Variants in FAM91A1 observed in about 807,000 individuals in gnomAD.
FAM91A1 encodes family with sequence similarity 91 member A1, also known as protein FAM91A1.
Under a neutral mutation model 113.5 loss-of-function variants are expected in FAM91A1, and 41 were observed. That is an observed-to-expected ratio of 0.36 (90% CI 0.28 to 0.47). FAM91A1 has a LOEUF of 0.47. Among genes scored for constraint, FAM91A1 ranks in the 20% least tolerant of loss-of-function variants. The probability of loss-of-function intolerance (pLI) is 1.00; values close to 1 mark genes in which losing one functional copy is unlikely to be tolerated. For synonymous variants in FAM91A1, 307 were observed against 347.9 expected, an observed-to-expected ratio of 0.88 and a Z score of 1.31; for missense variants, 696 against 1,001.2, an observed-to-expected ratio of 0.70 and a Z score of 4.11.
At chr8:123,808,508 C>T (rs147946974) in intron 21 of FAM91A1, 132 bp downstream of exon 21, 1 of 563,146 alleles carries the variant, frequency 1.8e-6, no homozygotes, top group East Asian at 3.1e-5. Flanking sequence ...TTCTAGGAAG[C>T]CTTTTTACAT....
chr8:123,798,386 AT>A, intron 16 of FAM91A1, 148 bp downstream of exon 16: 6 of 871,090 alleles, frequency 6.9e-6, no homozygotes, highest in Non-Finnish European at 1.0e-5. Context: ...GATATGTTCA[AT>A]TTGTGGAGTG....
intron 12 of FAM91A1, among the ~76,000 whole-genome samples, chr8:123,786,871 TATA>T (rs768869531): frequency 9.2e-5 from 14 of 152,158 alleles, no homozygotes; most frequent in Non-Finnish European, 1.3e-4. Context: ...GGGCACCAAT[TATA>T]ATGCTTGTAG....
chr8:123,777,190 A>G, intron 3 of FAM91A1, 75 bp from the exon 4 acceptor site: 1 of 1,017,622 alleles, frequency 9.8e-7, no homozygotes, highest in Non-Finnish European at 1.5e-6. Flanking sequence ...ATTGGCTGTA[A>G]TAATATTGTA....
intron 9 of FAM91A1, 171 bp from the exon 10 acceptor site, chr8:123,784,909 TA>T: frequency 2.0e-6 from 1 of 509,980 alleles, no homozygotes; most frequent in Non-Finnish European, 3.4e-6. Context: ...ATTTGTACTA[TA>T]AGGATCTTAG....
At position 123,812,953 on chromosome 8, in the gene FAM91A1, A is replaced by G. The variant is rs552931341; in HGVS notation, c.*249A>G. ...TGAGACAATCTGCATTTCTTTTATA[A>G]AACTAAGTATATACTTTATAGGCTT... On this transcript the variant is annotated 3_prime_UTR_variant, in exon 24 of 24. Coordinates refer to ENST00000334705, the MANE Select transcript of FAM91A1 (RefSeq NM_144963.4). The G allele has an allele frequency of 9.0e-6, 3 of 333,710 alleles. No homozygotes were observed. The highest frequency in any genetic ancestry group is 1.6e-5 in the Non-Finnish European group (3 of 184,858). The allele number at this position is 333,710 out of a possible 1,614,324, so 20.7% of individuals were successfully genotyped here. A position where few individuals can be genotyped will look rare whatever the true frequency, so the allele number is the denominator to read the frequency against.
rs1386169284 is a variant in FAM91A1 at position 123,811,355 on chromosome 8, G to T, written c.2331+1004G>T. On this transcript the variant is annotated intron_variant, in intron 23 of 23. Coordinates refer to ENST00000334705, the MANE Select transcript of FAM91A1 (RefSeq NM_144963.4). ...ATTAAAGACTTTTAAACAGGGGAGA[G>T]AGGTTATTTCTGAAGGACTATTTTA... 1.3e-5 allele frequency: 2 copies of T among 152,188 alleles called. 1 individual carries two copies. The highest frequency in any genetic ancestry group is 2.9e-5 in the Non-Finnish European group (2 of 68,042). 9.4% of individuals were successfully genotyped at this position (152,188 alleles called of 1,614,324 possible).
In FAM91A1 at chr8:123,778,011, A is replaced by G. The variant is rs1563636943; in HGVS notation, c.368-14A>G. 6.2e-7 allele frequency: 1 copy of G among 1,606,880 alleles called. No individual in the cohort carries two copies. The highest frequency in any genetic ancestry group is 2.2e-5 in the East Asian group (1 of 44,662). On this transcript the variant is annotated splice_polypyrimidine_tract_variant and intron_variant, in intron 4 of 23. Transcript: ENST00000334705. ...TATGTTAAATGTTTTTAAAGGAAAG[A>G]CTCTTTTTTTCAGGTCTAAGGCTTC...
chr8:123,787,509 T>C, intron 13 of FAM91A1, 136 bp downstream of exon 13: 2 of 983,084 alleles, frequency 2.0e-6, no homozygotes, highest in Non-Finnish European at 3.0e-6. Flanking sequence ...GTATAATAAC[T>C]TTCAGGGAAG....
At chr8:123,787,214 AAAG>A in intron 12 of FAM91A1, 44 bp from the exon 13 acceptor site, 1 of 1,397,872 alleles carries the variant, frequency 7.2e-7, no homozygotes, top group Non-Finnish European at 1.0e-6. Context: ...AATGGTAAGC[AAAG>A]AATAATTTCC....
rs1182326046 is a variant in FAM91A1, at chr8:123,778,768, T to A, written c.545T>A (p.Ile182Asn). Residue 182 changes from isoleucine (I) to asparagine (N), a missense_variant, in exon 6 of 24, where the codon ATC (isoleucine) becomes AAC (asparagine). Coordinates refer to ENST00000334705, the MANE Select transcript of FAM91A1 (RefSeq NM_144963.4). ...VQAGYITEDD[I>N]KICTLPEKCA... ...GCTGGCTATATCACAGAAGATGACA[T>A]CAAGGTAGAAATCTTTAAAAGTTAA... is the stretch of plus-strand genomic sequence containing the variant. 6.6e-7 allele frequency: 1 copy of A among 1,515,216 alleles called. No individual in the cohort carries two copies. The highest frequency in any genetic ancestry group is 8.8e-7 in the Non-Finnish European group (1 of 1,130,052). 93.9% of individuals were successfully genotyped at this position (1,515,216 alleles called of 1,614,324 possible). A position where few individuals can be genotyped will look rare whatever the true frequency, so the allele number is the denominator to read the frequency against.
intron 15 of FAM91A1, among the ~76,000 whole-genome samples, chr8:123,797,418 C>T (rs931152720): frequency 2.0e-5 from 3 of 152,152 alleles, no homozygotes; most frequent in Admixed American, 6.5e-5. Flanking sequence ...CCTGCCTCTC[C>T]TGCCTCCCCT....
chr8:123,793,878 G>A (rs547720346), intron 15 of FAM91A1, among the ~76,000 whole-genome samples: 6 of 152,264 alleles, frequency 3.9e-5, no homozygotes, highest in East Asian at 3.9e-4. Flanking sequence ...TTCTTTTAAC[G>A]TTAAATATCT....
At position 123,784,579 on chromosome 8, in the gene FAM91A1, A is replaced by C; in HGVS notation, c.810+3A>C. On this transcript the variant is annotated splice_donor_region_variant and intron_variant, in intron 9 of 23. Coordinates refer to ENST00000334705, the MANE Select transcript of FAM91A1 (RefSeq NM_144963.4). ...ATGAGCACACAAATGTTGCAGAGGT[A>C]AGTTTGACAACGTCTCATGAAAATA... is the stretch of plus-strand genomic sequence containing the variant. 1 of 1,579,510 alleles carries C rather than the reference A, an allele frequency of 6.3e-7. No homozygotes were observed. Among genetic ancestry groups the C allele is most frequent in the Non-Finnish European group, 8.6e-7 (1 of 1,160,996 alleles).
chr8:123,768,641 A>G lies in FAM91A1; in HGVS notation c.-62A>G. ...CTCCGCTGACAGGCTGCGGGCGGGC[A>G]GGCGGGAGGCGTAGTGTGGGTCGCG... On this transcript the variant is annotated 5_prime_UTR_variant, in exon 1 of 24. Coordinates refer to ENST00000334705, the MANE Select transcript of FAM91A1 (RefSeq NM_144963.4). 7.0e-7 allele frequency: 1 copy of G among 1,423,336 alleles called. No individual in the cohort carries two copies. Among genetic ancestry groups the G allele is most frequent in the Non-Finnish European group, 9.5e-7 (1 of 1,047,828 alleles). 88.2% of individuals were successfully genotyped at this position (1,423,336 alleles called of 1,614,324 possible).
At chr8:123,776,006 A>G (rs918544526) in intron 3 of FAM91A1, among the ~76,000 whole-genome samples, 1 of 152,184 alleles carries the variant, frequency 6.6e-6, no homozygotes, top group African/African-American at 2.4e-5. Flanking sequence ...GTATTTAACT[A>G]TTCACTAACT....
intron 14 of FAM91A1, among the ~76,000 whole-genome samples, chr8:123,788,673 A>C (rs1399079823): frequency 2.0e-5 from 3 of 152,100 alleles, no homozygotes; most frequent in Non-Finnish European, 2.9e-5. Flanking sequence ...TCTACTAATA[A>C]ATTTCTTACT....
intron 5 of FAM91A1, among the ~76,000 whole-genome samples, 180 bp downstream of exon 5, chr8:123,778,272 T>C (rs1353867898): frequency 2.0e-5 from 3 of 152,238 alleles, no homozygotes; most frequent in Non-Finnish European, 4.4e-5. Flanking sequence ...TTATTTAAAA[T>C]TTTTAATGCA....
At chr8:123,776,552 AG>A (rs1340558171) in intron 3 of FAM91A1, among the ~76,000 whole-genome samples, 1 of 152,218 alleles carries the variant, frequency 6.6e-6, no homozygotes, top group African/African-American at 2.4e-5. Context: ...GCAGCTAATC[AG>A]GAAGTAGAAT....
chr8:123,782,433 C>T (rs1815147387), intron 8 of FAM91A1, among the ~76,000 whole-genome samples: 1 of 152,128 alleles, frequency 6.6e-6, no homozygotes, highest in Non-Finnish European at 1.5e-5. Flanking sequence ...AACAAACAAG[C>T]ACTATGGTTG....
Sources: allele counts gnomAD v4.1 joint callset (sites outside exome capture counted in the v4.1 genomes callset), GRCh38; gene constraint gnomAD v4.1.1; transcripts MANE v1.5; gene names NCBI Gene and HGNC (gene_info 2026-07-23, HGNC 2026-07-21).